Variants in BNIP3L observed in about 807,000 individuals in gnomAD.
The protein encoded by BNIP3L is BCL2/adenovirus E1B 19 kDa protein-interacting protein 3-like.
BNIP3L carries 10 observed loss-of-function variants against 25.5 expected under a neutral mutation model. The ratio of observed to expected loss-of-function variants is 0.39; its 90% CI spans 0.24 to 0.67. The LOEUF (loss-of-function observed/expected upper bound fraction) is 0.67, where lower values mean the gene tolerates loss of function less well. Ranked by LOEUF, BNIP3L falls within the 30% of genes least tolerant of loss-of-function variation. The pLI is 0.45. For synonymous variants in BNIP3L, 113 were observed against 101.2 expected, an observed-to-expected ratio of 1.12 and a Z score of -0.70; for missense variants, 215 against 270.9, an observed-to-expected ratio of 0.79 and a Z score of 1.45.
rs1806615263 is a variant in BNIP3L at position 26,411,165 on chromosome 8, A to T, written c.*753A>T. On this transcript the variant is annotated 3_prime_UTR_variant, in exon 6 of 6. Transcript: ENST00000380629. ...CTATGGTGTAGAATCTTTCTTTCTG[A>T]TAAGGAACGTCTCAGGCTTAGAAAT... is the stretch of plus-strand genomic sequence containing the variant. The T allele has an allele frequency of 6.6e-6, 1 of 152,400 alleles. No individual in the cohort carries two copies. The highest frequency in any genetic ancestry group is 1.9e-4 in the East Asian group (1 of 5,198). The allele number at this position is 152,400 out of a possible 1,614,324, so 9.4% of individuals were successfully genotyped here.
In BNIP3L at chr8:26,407,519, G is replaced by T. The variant is rs183649729; in HGVS notation, c.358-481G>T. 3.2e-3 allele frequency among the ~76,000 whole-genome samples: 479 copies of T among 151,562 alleles called. 2 individuals are homozygous for T. Among genetic ancestry groups the T allele is most frequent in the Non-Finnish European group, 4.0e-3 (274 of 67,908 alleles). On this transcript the variant is annotated intron_variant, in intron 3 of 5. Coordinates refer to ENST00000380629, the MANE Select transcript of BNIP3L (RefSeq NM_004331.3). ...TTGTGTTTTTTTTTAGTAAAGACGG[G>T]GTTTTACCATGTTGGCCAGGCTGGT...
rs1162496095 is a variant in BNIP3L, at chr8:26,411,027, T to C, written c.*615T>C. On this transcript the variant is annotated 3_prime_UTR_variant, in exon 6 of 6. Coordinates refer to ENST00000380629, the MANE Select transcript of BNIP3L (RefSeq NM_004331.3). ...CCACTTTTTTGTCTAAGCCTCCTAA[T>C]AGCGTCTTTTAATTTATAGGAGGCA... 1 of 152,472 alleles carries C rather than the reference T, an allele frequency of 6.6e-6. No individual in the cohort carries two copies. The highest frequency in any genetic ancestry group is 2.4e-5 in the African/African-American group (1 of 41,458). The allele number at this position is 152,472 out of a possible 1,614,324, so 9.4% of individuals were successfully genotyped here.
intron 3 of BNIP3L, among the ~76,000 whole-genome samples, chr8:26,397,948 T>C (rs1806283542): frequency 2.7e-5 from 1 of 37,216 alleles, no homozygotes; most frequent in Non-Finnish European, 5.3e-5. Context: ...ATGCACCCAA[T>C]ACAGGAGCAC....
chr8:26,399,168 A>G (rs1443384753), intron 3 of BNIP3L, among the ~76,000 whole-genome samples: 1 of 111,746 alleles, frequency 8.9e-6, no homozygotes, highest in South Asian at 3.5e-4. Flanking sequence ...AAAATCCTCA[A>G]TAAAATACTG....
At chr8:26,384,491 A>G (rs1299922462) in intron 1 of BNIP3L, among the ~76,000 whole-genome samples, 1 of 152,196 alleles carries the variant, frequency 6.6e-6, no homozygotes, top group Non-Finnish European at 1.5e-5. Context: ...TGAATGTATG[A>G]GTCTTTAAAC....
rs1563335731 is a variant in BNIP3L, at chr8:26,383,087, G to C, written c.-44G>C. Reference sequence around the variant, plus strand: ...CTTGTTGTGTTGCTGCCTGAGTGCCGGAGACGGTCCTGCTGCTGCCGCAGT... The same window carrying C: ...CTTGTTGTGTTGCTGCCTGAGTGCCCGAGACGGTCCTGCTGCTGCCGCAGT... On this transcript the variant is annotated 5_prime_UTR_variant, in exon 1 of 6. Transcript: ENST00000380629. The C allele has an allele frequency of 1.1e-5, 16 of 1,519,118 alleles. No individual in the cohort carries two copies. Among genetic ancestry groups the C allele is most frequent in the Admixed American group, 1.9e-5 (1 of 51,376 alleles). 94.1% of individuals were successfully genotyped at this position (1,519,118 alleles called of 1,614,324 possible).
Position 26,401,168 on chromosome 8 carries a change from A to G in BNIP3L, c.357+5866A>G, listed in dbSNP as rs1219928722. On this transcript the variant is annotated intron_variant, in intron 3 of 5. Transcript: ENST00000380629. ...ATAGCAAAGACTTGGAACCAACCCA[A>G]ATGTCCAACAATGATAGACTGGATT... is the stretch of plus-strand genomic sequence containing the variant. Among the ~76,000 whole-genome samples the G allele has an allele frequency of 1.3e-3, 187 of 139,506 alleles. 2 individuals carry two copies. The highest frequency in any genetic ancestry group is 4.2e-3 in the African/African-American group (163 of 38,504). The allele number at this position is 139,506 out of a possible 152,430, so 91.5% of individuals were successfully genotyped here. A position where few individuals can be genotyped will look rare whatever the true frequency, so the allele number is the denominator to read the frequency against.
At chr8:26,401,486 C>T (rs552149822) in intron 3 of BNIP3L, among the ~76,000 whole-genome samples, 2 of 149,098 alleles carry the variant, frequency 1.3e-5, no homozygotes, top group South Asian at 4.2e-4. Context: ...TTAGTGGGTG[C>T]AGCACACCAG....
chr8:26,391,449 T>A (rs1401671355), intron 2 of BNIP3L, 23 bp downstream of exon 2: 2 of 1,505,670 alleles, frequency 1.3e-6, no homozygotes, highest in Non-Finnish European at 1.8e-6. Flanking sequence ...CATGTTTTGG[T>A]GGAATTCAGG....
At chr8:26,389,135 C>A (rs182204344) in intron 1 of BNIP3L, among the ~76,000 whole-genome samples, 5 of 152,248 alleles carry the variant, frequency 3.3e-5, no homozygotes, top group East Asian at 1.9e-4. Context: ...TGGTTCCTTA[C>A]CTCTGCTTCT....
At chr8:26,406,434 A>G (rs553004328) in intron 3 of BNIP3L, among the ~76,000 whole-genome samples, 1 of 152,332 alleles carries the variant, frequency 6.6e-6, no homozygotes, top group South Asian at 2.1e-4. Flanking sequence ...GTGGAACCTT[A>G]GGCAAGTTAT....
At chr8:26,396,980 C>G (rs1806261494) in intron 3 of BNIP3L, among the ~76,000 whole-genome samples, 1 of 52,976 alleles carries the variant, frequency 1.9e-5, no homozygotes, top group Non-Finnish European at 3.8e-5. Flanking sequence ...TGTGAAAAGA[C>G]CAAATCTACG....
intron 1 of BNIP3L, among the ~76,000 whole-genome samples, chr8:26,389,878 A>G (rs1366790821): frequency 2.0e-5 from 3 of 152,140 alleles, no homozygotes; most frequent in Non-Finnish European, 2.9e-5. Context: ...AGTGCATTTT[A>G]GAGTTTGAGC....
At chr8:26,383,629 G>T (rs1290990626) in intron 1 of BNIP3L, 1 of 357,718 alleles carries the variant, frequency 2.8e-6, no homozygotes, top group African/African-American at 2.3e-5. Context: ...CGGCGGGGAC[G>T]CCGGGGGATG....
intron 1 of BNIP3L, among the ~76,000 whole-genome samples, chr8:26,385,070 C>T (rs994450022): frequency 2.0e-5 from 3 of 152,042 alleles, no homozygotes; most frequent in African/African-American, 7.2e-5. Flanking sequence ...CTTGAGCCAT[C>T]GCACCGGCTT....
chr8:26,411,988 G>A lies in BNIP3L; in HGVS notation c.*1576G>A, dbSNP rs889422714. 6.6e-6 allele frequency: 1 copy of A among 152,614 alleles called. No homozygotes were observed. Among genetic ancestry groups the A allele is most frequent in the African/African-American group, 2.4e-5 (1 of 41,446 alleles). The allele number at this position is 152,614 out of a possible 1,614,324, so 9.5% of individuals were successfully genotyped here. On this transcript the variant is annotated 3_prime_UTR_variant, in exon 6 of 6. Coordinates refer to ENST00000380629, the MANE Select transcript of BNIP3L (RefSeq NM_004331.3). Reference sequence around the variant, plus strand: ...TCACATCAACATTTGTAAAATTGATGTGTTATAGTGGAAAATAACATATAG... The same window carrying A: ...TCACATCAACATTTGTAAAATTGATATGTTATAGTGGAAAATAACATATAG...
At chr8:26,383,471 C>T (rs1210930135) in intron 1 of BNIP3L, 6 of 1,211,556 alleles carry the variant, frequency 5.0e-6, no homozygotes, top group Middle Eastern at 3.4e-4. Context: ...GGTCCGGGAG[C>T]GGCGCGGGTA....
chr8:26,383,074 C>G lies in BNIP3L; in HGVS notation c.-57C>G. On this transcript the variant is annotated 5_prime_UTR_variant, in exon 1 of 6. Transcript: ENST00000380629. Reference sequence around the variant, plus strand: ...GCGGCGGACTCGGCTTGTTGTGTTGCTGCCTGAGTGCCGGAGACGGTCCTG... The same window carrying G: ...GCGGCGGACTCGGCTTGTTGTGTTGGTGCCTGAGTGCCGGAGACGGTCCTG... 2 of 1,470,628 alleles carry G rather than the reference C, an allele frequency of 1.4e-6. No individual in the cohort carries two copies. Among genetic ancestry groups the G allele is most frequent in the African/African-American group, 1.4e-5 (1 of 71,278 alleles). 91.1% of individuals were successfully genotyped at this position (1,470,628 alleles called of 1,614,324 possible). A position where few individuals can be genotyped will look rare whatever the true frequency, so the allele number is the denominator to read the frequency against.
intron 2 of BNIP3L, among the ~76,000 whole-genome samples, chr8:26,392,604 G>A (rs1806138904): frequency 6.6e-6 from 1 of 150,942 alleles, no homozygotes; most frequent in African/African-American, 2.4e-5. Context: ...ACTTGTCCCT[G>A]TGCTTCTTAG....
Sources: gnomAD v4.1 joint callset for allele counts (sites outside exome capture counted in the v4.1 genomes callset) on GRCh38, gnomAD v4.1.1 for gene constraint, MANE v1.5 for transcripts, NCBI Gene and HGNC (gene_info 2026-07-23, HGNC 2026-07-21) for gene names.